The following CNTN4 variants were observed in gnomAD, a reference collection of about 807,000 sequenced individuals.
CNTN4 encodes the protein contactin 4.
Under a neutral mutation model 122.5 loss-of-function variants are expected in CNTN4, and 77 were observed. The observed-to-expected ratio is 0.63, with a 90% CI of 0.52 to 0.76. The LOEUF is 0.76. Among genes scored for constraint, CNTN4 ranks in the 30% least tolerant of loss-of-function variants. CNTN4 has a pLI of 0.00. For synonymous variants in CNTN4, 512 were observed against 447.0 expected (o/e 1.15, Z -1.83); for missense variants, 1,256 against 1,259.1 (o/e 1.00, Z 0.04).
chr3:2,238,128 T>G (rs17010993), intron 2 of CNTN4, among the ~76,000 whole-genome samples: 1,702 of 152,248 alleles, frequency 0.011, 33 homozygotes, highest in African/African-American at 0.039. Context: ...ATTTGCAGGC[T>G]ATGAACAATT....
At chr3:2,161,324 G>T (rs180889719) in intron 2 of CNTN4, among the ~76,000 whole-genome samples, 172 of 152,184 alleles carry the variant, frequency 1.1e-3, no homozygotes, top group Non-Finnish European at 1.7e-3. Flanking sequence ...TTATTGAAAG[G>T]TTATACACAG....
At chr3:2,512,448 A>G (rs1364760262) in intron 3 of CNTN4, among the ~76,000 whole-genome samples, 2 of 152,196 alleles carry the variant, frequency 1.3e-5, no homozygotes, top group East Asian at 1.9e-4. Flanking sequence ...TTTATTATTC[A>G]TGCAAGATTC....
chr3:2,187,434 C>G (rs566613036), intron 2 of CNTN4, among the ~76,000 whole-genome samples: 4 of 151,978 alleles, frequency 2.6e-5, no homozygotes, highest in Non-Finnish European at 5.9e-5. Context: ...AATCATTGGT[C>G]CTTGAAGGCA....
chr3:2,406,237 G>A (rs2047031789), intron 3 of CNTN4, among the ~76,000 whole-genome samples: 1 of 152,136 alleles, frequency 6.6e-6, no homozygotes, highest in South Asian at 2.1e-4. Context: ...CCTTAATCAA[G>A]TGATCATGTT....
chr3:2,217,543 C>T (rs2038896587), intron 2 of CNTN4, among the ~76,000 whole-genome samples: 1 of 152,178 alleles, frequency 6.6e-6, no homozygotes, highest in East Asian at 1.9e-4. Context: ...TAATCACTTT[C>T]AGGAGTACAA....
rs148831205 is a variant in CNTN4 at position 2,913,442 on chromosome 3, G to A, written c.1207+10437G>A. Among the ~76,000 whole-genome samples, 340 of 152,242 alleles carry A rather than the reference G, an allele frequency of 2.2e-3. 1 individual carries two copies. The highest frequency in any genetic ancestry group is 7.4e-3 in the African/African-American group (309 of 41,558). On this transcript the variant is annotated intron_variant, in intron 12 of 24. Transcript: ENST00000418658. ...ACACACTTTAGATCTAGGGTTACACGCAAGCTGAAAATGAAAGAATAGAGG... is the reference window on the plus strand; with the variant it reads ...ACACACTTTAGATCTAGGGTTACACACAAGCTGAAAATGAAAGAATAGAGG...
At chr3:2,176,113 G>A (rs944147182) in intron 2 of CNTN4, among the ~76,000 whole-genome samples, 3 of 152,086 alleles carry the variant, frequency 2.0e-5, no homozygotes, top group African/African-American at 7.2e-5. Flanking sequence ...CCATGCACAG[G>A]TACTTGTCAT....
At chr3:2,895,023 A>G (rs2094091076) in intron 10 of CNTN4, among the ~76,000 whole-genome samples, 1 of 152,130 alleles carries the variant, frequency 6.6e-6, no homozygotes, top group African/African-American at 2.4e-5. Flanking sequence ...TTTTCGAGAC[A>G]GGGTCTTGCT....
chr3:2,781,397 G>T (rs2149855855), intron 6 of CNTN4, among the ~76,000 whole-genome samples: 1 of 152,264 alleles, frequency 6.6e-6, no homozygotes, highest in African/African-American at 2.4e-5. Context: ...TGAGATCTAA[G>T]CTGTATGCTA....
intron 3 of CNTN4, among the ~76,000 whole-genome samples, chr3:2,463,771 TA>T (rs2075403061): frequency 6.6e-6 from 1 of 151,948 alleles, no homozygotes; most frequent in Non-Finnish European, 1.5e-5. Flanking sequence ...AAAAAATAAA[TA>T]AAATAAAAAT....
At chr3:2,447,964 A>C (rs1360177790) in intron 3 of CNTN4, among the ~76,000 whole-genome samples, 2 of 152,184 alleles carry the variant, frequency 1.3e-5, no homozygotes, top group African/African-American at 4.8e-5. Flanking sequence ...AAAAGATAGA[A>C]TCAAGCCTTA....
At chr3:2,797,597 T>TCAAAAA (rs528308254) in intron 6 of CNTN4, among the ~76,000 whole-genome samples, 6 of 152,060 alleles carry the variant, frequency 3.9e-5, no homozygotes, top group Admixed American at 2.0e-4. Flanking sequence ...AAACTCCGCC[T>TCAAAAA]CAAAAACAAA....
At chr3:2,930,611 G>A (rs929910439) in intron 13 of CNTN4, among the ~76,000 whole-genome samples, 2 of 152,136 alleles carry the variant, frequency 1.3e-5, no homozygotes, top group Non-Finnish European at 2.9e-5. Flanking sequence ...ATTATGTCAA[G>A]CAAATGGATA....
chr3:2,932,296 T>G (rs997593379), intron 13 of CNTN4, among the ~76,000 whole-genome samples: 14 of 152,210 alleles, frequency 9.2e-5, no homozygotes, highest in East Asian at 1.9e-4. Flanking sequence ...GAGAATGGCG[T>G]GAACCCAGAA....
chr3:2,263,639 A>G (rs1374679597), intron 2 of CNTN4, among the ~76,000 whole-genome samples: 1 of 152,240 alleles, frequency 6.6e-6, no homozygotes, highest in East Asian at 1.9e-4. Flanking sequence ...GGAATACTGC[A>G]AATCTTCTCT....
intron 3 of CNTN4, among the ~76,000 whole-genome samples, chr3:2,372,882 T>A (rs746961711): frequency 1.6e-4 from 24 of 152,048 alleles, no homozygotes; most frequent in Non-Finnish European, 3.1e-4. Context: ...ATCCCATCTC[T>A]ACTAAAAATA....
At chr3:2,423,141 G>T (rs753928854) in intron 3 of CNTN4, among the ~76,000 whole-genome samples, 2 of 152,196 alleles carry the variant, frequency 1.3e-5, no homozygotes, top group Admixed American at 6.5e-5. Flanking sequence ...CTGACTCCTA[G>T]AAGTGGTGTT....
At chr3:3,009,628 T>C (rs1465632451) in intron 14 of CNTN4, among the ~76,000 whole-genome samples, 4 of 152,042 alleles carry the variant, frequency 2.6e-5, no homozygotes, top group South Asian at 2.1e-4. Flanking sequence ...AGAGACGGGG[T>C]TTCACCGTGT....
intron 4 of CNTN4, among the ~76,000 whole-genome samples, chr3:2,666,586 C>CTTTTTTTA (rs150328147): frequency 0.28 from 42,605 of 151,474 alleles, 6,188 homozygotes; most frequent in Admixed American, 0.4. Flanking sequence ...ATAAAATGTT[C>CTTTTTTTA]TTTTTTTATT....
Sources: gnomAD v4.1 joint callset for allele counts (sites outside exome capture counted in the v4.1 genomes callset) on GRCh38, gnomAD v4.1.1 for gene constraint, MANE v1.5 for transcripts, NCBI Gene and HGNC (gene_info 2026-07-23, HGNC 2026-07-21) for gene names.